The following MPIG6B variants were observed in gnomAD, a reference collection of about 807,000 sequenced individuals.
MPIG6B encodes the protein megakaryocyte and platelet inhibitory receptor G6b.
MPIG6B carries 22 observed loss-of-function variants against 24.2 expected under a neutral mutation model. The observed-to-expected ratio is 0.91, with a 90% CI of 0.65 to 1.30. The LOEUF (loss-of-function observed/expected upper bound fraction) is 1.30. Among genes scored for constraint, MPIG6B ranks in the 50% most tolerant of loss-of-function variants. The pLI, the probability that MPIG6B is intolerant of heterozygous loss-of-function variation, is 0.00. For synonymous variants in MPIG6B, 136 were observed against 142.0 expected, an observed-to-expected ratio of 0.96 and a Z score of 0.30; for missense variants, 301 against 318.5, an observed-to-expected ratio of 0.94 and a Z score of 0.42.
chr6:31,722,929 T>TG (rs772335847), upstream of MPIG6B: 3 of 221,764 alleles, frequency 1.4e-5, no homozygotes, highest in Non-Finnish European at 2.7e-5. Flanking sequence ...CTAAGCAGTT[T>TG]ACATGTATTA....
Position 31,723,583 on chromosome 6 carries a change from G to T in MPIG6B, c.62-56G>T. The T allele has an allele frequency of 6.9e-7, 1 of 1,447,600 alleles. No individual in the cohort carries two copies. The highest frequency in any genetic ancestry group is 9.4e-7 in the Non-Finnish European group (1 of 1,062,406). The allele number at this position is 1,447,600 out of a possible 1,614,324, so 89.7% of individuals were successfully genotyped here. A position where few individuals can be genotyped will look rare whatever the true frequency, so the allele number is the denominator to read the frequency against. On this transcript the variant is annotated intron_variant, in intron 1 of 5. Coordinates refer to ENST00000649779, the MANE Select transcript of MPIG6B (RefSeq NM_138272.3). The surrounding 1 kb of genome is among the most constrained non-coding windows in gnomAD (Gnocchi z 4.3). ...AGAGAAGAGAAAGAGGAGACGGGAT[G>T]GAGGGTCGTCTTGCCCTGTGGACGT...
In MPIG6B at chr6:31,724,195, G is replaced by A. The variant is rs747971800; in HGVS notation, c.463G>A (p.Gly155Arg). Residue 155 changes from glycine to arginine, a missense_variant, in exon 3 of 6, where the codon GGA becomes AGA. Physicochemically the swap from Gly to Arg is moderately radical, Grantham distance 125. Coordinates refer to ENST00000649779, the MANE Select transcript of MPIG6B (RefSeq NM_138272.3). ...GCTGCTGGGCGCTGGGTTGGTGCTC[G>A]GACTGGGAGCTTTGGGCCTGGTCTG... ...IPLLGAGLVL[G>R]LGALGLVWWL... The A allele has an allele frequency of 1.9e-5, 31 of 1,613,220 alleles. No homozygotes were observed. Among genetic ancestry groups the A allele is most frequent in the Non-Finnish European group, 2.5e-5 (29 of 1,179,958 alleles).
At chr6:31,724,520 T>C in intron 3 of MPIG6B, 67 bp from the exon 4 acceptor site, 1 of 1,362,156 alleles carries the variant, frequency 7.3e-7, no homozygotes, top group Non-Finnish European at 1.1e-6. Flanking sequence ...GTCCTTGGCG[T>C]GGCGAGTCCC....
rs1395870266 is a variant in MPIG6B at position 31,724,127 on chromosome 6, A to T, written c.410-15A>T. 13 of 1,610,194 alleles carry T rather than the reference A, an allele frequency of 8.1e-6. No homozygotes were observed. The South Asian group carries it at 1.4e-4, about 18-fold the overall frequency. On this transcript the variant is annotated splice_polypyrimidine_tract_variant and intron_variant, in intron 2 of 5. Transcript: ENST00000649779. ...CCTGACCTCAGCATCCCTCCCCGCC[A>T]CGCCTTTCCCCCAGGGTCCGTGTAT... is the stretch of plus-strand genomic sequence containing the variant.
In MPIG6B at chr6:31,723,509, G is replaced by A. The variant is rs1348042812; in HGVS notation, c.61+65G>A. The A allele has an allele frequency of 4.0e-6, 6 of 1,503,360 alleles. No homozygotes were observed. Among genetic ancestry groups the A allele is most frequent in the Non-Finnish European group, 4.6e-6 (5 of 1,084,868 alleles). 93.1% of individuals were successfully genotyped at this position (1,503,360 alleles called of 1,614,324 possible). A position where few individuals can be genotyped will look rare whatever the true frequency, so the allele number is the denominator to read the frequency against. On this transcript the variant is annotated intron_variant, in intron 1 of 5. Coordinates refer to ENST00000649779, the MANE Select transcript of MPIG6B (RefSeq NM_138272.3). The surrounding 1 kb of genome is among the most constrained non-coding windows in gnomAD (Gnocchi z 4.3). ...GCTGAAGCAAGATAAGGGCCGCCTAGTAGGGTGGGTTGTGTGTGGGAAGAT... is the reference window on the plus strand; with the variant it reads ...GCTGAAGCAAGATAAGGGCCGCCTAATAGGGTGGGTTGTGTGTGGGAAGAT...
Position 31,723,685 on chromosome 6 carries a change from A to C in MPIG6B, c.108A>C (p.Gly36=), listed in dbSNP as rs747648141. Residue 36 remains glycine (G), a synonymous_variant, in exon 2 of 6, where the codon GGA becomes GGC. Transcript: ENST00000649779. The surrounding 1 kb of genome is among the most constrained non-coding windows in gnomAD (Gnocchi z 4.3). ...RPGDRVNLSC[G]GVSHPIRWVW... is the part of the protein sequence containing the mutation. The stretch of plus-strand genomic sequence containing the variant: ...GGGACCGGGTGAATCTCTCCTGCGG[A>C]GGAGTCTCTCATCCCATCCGCTGGG... 2.5e-6 allele frequency: 4 copies of C among 1,602,900 alleles called. No homozygotes were observed. The highest frequency in any genetic ancestry group is 1.3e-5 in the African/African-American group (1 of 74,572).
chr6:31,724,287 G>A, intron 3 of MPIG6B, 55 bp downstream of exon 3: 1 of 1,400,230 alleles, frequency 7.1e-7, no homozygotes, highest in Non-Finnish European at 1.0e-6. Context: ...GGTGGAAGGG[G>A]CAGGACCAGA....
At position 31,724,248 on chromosome 6, in the gene MPIG6B, C is replaced by A; in HGVS notation, c.500+16C>A. On this transcript the variant is annotated intron_variant, in intron 3 of 5. Transcript: ENST00000649779. ...GGCTGCACAGGTGAGCAGGAGGGACCCGGCCTCGTTAAATGGGGAGTGACC... is the reference window on the plus strand; with the variant it reads ...GGCTGCACAGGTGAGCAGGAGGGACACGGCCTCGTTAAATGGGGAGTGACC... 1 of 1,602,820 alleles carries A rather than the reference C, an allele frequency of 6.2e-7. No individual in the cohort carries two copies.
chr6:31,724,255 CGTTA>C, intron 3 of MPIG6B, 23 bp downstream of exon 3: 2 of 1,584,488 alleles, frequency 1.3e-6, no homozygotes, highest in Non-Finnish European at 1.7e-6. Flanking sequence ...GACCCGGCCT[CGTTA>C]AATGGGGAGT....
rs1254860726 is a variant in MPIG6B at position 31,723,945 on chromosome 6, T to C, written c.368T>C (p.Leu123Pro). ...EDESRTVLHV[L>P]GDRTYCKAPG... The stretch of plus-strand genomic sequence containing the variant: ...GAGAGCCGTACAGTGCTTCACGTGC[T>C]GGGGGACAGGACCTATTGCAAGGCC... The change falls in exon 2 of 6, where the codon CTG becomes CCG. Residue 123 changes from leucine (L) to proline (P), a missense_variant. By Grantham distance (98) the Leu-to-Pro change is moderately conservative (BLOSUM62 -3). Coordinates refer to ENST00000649779, the MANE Select transcript of MPIG6B (RefSeq NM_138272.3). The surrounding 1 kb of genome is among the most constrained non-coding windows in gnomAD (Gnocchi z 4.3). 6.4e-7 allele frequency: 1 copy of C among 1,567,612 alleles called. No homozygotes were observed. Among genetic ancestry groups the C allele is most frequent in the Non-Finnish European group, 8.7e-7 (1 of 1,155,414 alleles).
At position 31,723,568 on chromosome 6, in the gene MPIG6B, A is replaced by T. The variant is rs1436343712; in HGVS notation, c.62-71A>T. The T allele has an allele frequency of 7.0e-7, 1 of 1,429,628 alleles. No homozygotes were observed. Among genetic ancestry groups the T allele is most frequent in the African/African-American group, 1.4e-5 (1 of 70,702 alleles). The allele number at this position is 1,429,628 out of a possible 1,614,324, so 88.6% of individuals were successfully genotyped here. A position where few individuals can be genotyped will look rare whatever the true frequency, so the allele number is the denominator to read the frequency against. On this transcript the variant is annotated intron_variant, in intron 1 of 5. Transcript: ENST00000649779. The surrounding 1 kb of genome is among the most constrained non-coding windows in gnomAD (Gnocchi z 4.3). The stretch of plus-strand genomic sequence containing the variant: ...GCTGGAGTGCAGAACAGAGAAGAGA[A>T]AGAGGAGACGGGATGGAGGGTCGTC...
chr6:31,724,735 C>T, intron 4 of MPIG6B, 30 bp from the exon 5 acceptor site: 1 of 1,613,896 alleles, frequency 6.2e-7, no homozygotes, highest in Non-Finnish European at 8.5e-7. Flanking sequence ...CACCTTCTCT[C>T]CATCCTTCAG....
Position 31,725,218 on chromosome 6 carries a change from C to T in MPIG6B, c.*144C>T, listed in dbSNP as rs758051097. On this transcript the variant is annotated 3_prime_UTR_variant, in exon 6 of 6. Transcript: ENST00000649779. The surrounding 1 kb of genome is among the most constrained non-coding windows in gnomAD (Gnocchi z 5.2). ...GACTGGGAGTTGGGAGACCTGGGTT[C>T]CAGGCTGTCTCTGCCACTGGTCTTA... is the stretch of plus-strand genomic sequence containing the variant. 1 of 629,686 alleles carries T rather than the reference C, an allele frequency of 1.6e-6. No individual in the cohort carries two copies. Among genetic ancestry groups the T allele is most frequent in the Non-Finnish European group, 2.8e-6 (1 of 356,756 alleles). The allele number at this position is 629,686 out of a possible 1,614,324, so 39.0% of individuals were successfully genotyped here.
At chr6:31,721,564 G>A (rs1193515642), upstream of MPIG6B, 1 of 1,499,764 alleles carries the variant, frequency 6.7e-7, no homozygotes, top group African/African-American at 1.4e-5. Context: ...CCGGGAAGTG[G>A]GTAGAGCAGG....
At position 31,724,194 on chromosome 6, in the gene MPIG6B, C is replaced by T. The variant is rs767953348; in HGVS notation, c.462C>T (p.Leu154=). The T allele has an allele frequency of 2.5e-6, 4 of 1,613,262 alleles. No individual in the cohort carries two copies. Among genetic ancestry groups the T allele is most frequent in the Non-Finnish European group, 3.4e-6 (4 of 1,179,958 alleles). ...LIPLLGAGLV[L]GLGALGLVWW... ...CGCTGCTGGGCGCTGGGTTGGTGCTCGGACTGGGAGCTTTGGGCCTGGTCT... is the reference window on the plus strand; with the variant it reads ...CGCTGCTGGGCGCTGGGTTGGTGCTTGGACTGGGAGCTTTGGGCCTGGTCT... The change falls in exon 3 of 6, where the codon CTC becomes CTT. Residue 154 remains leucine (L), a synonymous_variant. Transcript: ENST00000649779.
chr6:31,725,059 T>C lies in MPIG6B; in HGVS notation c.711T>C (p.Tyr237=). The C allele has an allele frequency of 6.2e-7, 1 of 1,612,980 alleles. No homozygotes were observed. Among genetic ancestry groups the C allele is most frequent in the Non-Finnish European group, 8.5e-7 (1 of 1,179,672 alleles). ...TADPADASTI[Y]AVVV The stretch of plus-strand genomic sequence containing the variant: ...ACCCTGCTGATGCCTCCACCATCTA[T>C]GCAGTTGTAGTTTGAAGGGAAGCCC... The change falls in exon 6 of 6, where the codon TAT becomes TAC. Residue 237 remains tyrosine (Y), a synonymous_variant. Coordinates refer to ENST00000649779, the MANE Select transcript of MPIG6B (RefSeq NM_138272.3). This position sits in a 1 kb window ranked among gnomAD's most constrained non-coding sequence, Gnocchi z 5.2.
Position 31,724,751 on chromosome 6 carries a change from TC to T in MPIG6B, c.542-7del, listed in dbSNP as rs770605562. 6 of 1,612,852 alleles carry T rather than the reference TC, an allele frequency of 3.7e-6. No individual in the cohort carries two copies. The Admixed American group carries it at 6.7e-5, about 18-fold the overall frequency. On this transcript the variant is annotated splice_polypyrimidine_tract_variant and intron_variant, in intron 4 of 5. Transcript: ENST00000649779. The stretch of plus-strand genomic sequence containing the variant: ...ACCTTCTCTCCATCCTTCAGCTCTG[TC>T]CCCCCCACATAGCTCCACTTGTGAA...
chr6:31,724,755 C>T lies in MPIG6B; in HGVS notation c.542-10C>T, dbSNP rs1337628637. On this transcript the variant is annotated splice_polypyrimidine_tract_variant and intron_variant, in intron 4 of 5. Transcript: ENST00000649779. ...TCTCTCCATCCTTCAGCTCTGTCCC[C>T]CCCACATAGCTCCACTTGTGAAAAC... 1 of 1,614,070 alleles carries T rather than the reference C, an allele frequency of 6.2e-7. No homozygotes were observed. The highest frequency in any genetic ancestry group is 8.5e-7 in the Non-Finnish European group (1 of 1,179,954).
chr6:31,724,688 C>G, intron 4 of MPIG6B, 61 bp downstream of exon 4: 1 of 1,606,652 alleles, frequency 6.2e-7, no homozygotes, highest in African/African-American at 1.3e-5. Flanking sequence ...CCCTCAATTC[C>G]TGAGTCTGAG....
Sources: gnomAD v4.1 joint callset for allele counts on GRCh38, gnomAD v4.1.1 for gene constraint, Gnocchi (gnomAD v3.1) non-coding constraint, MANE v1.5 for transcripts, NCBI Gene and HGNC (gene_info 2026-07-23, HGNC 2026-07-21) for gene names.